The following ASB13 variants were observed in gnomAD, a reference collection of about 807,000 sequenced individuals.
ASB13 encodes ankyrin repeat and SOCS box containing 13.
In ASB13, 33 loss-of-function variants were observed where a neutral mutation model predicts 28.8. The observed-to-expected ratio is 1.15, with a 90% CI of 0.87 to 1.53. The LOEUF is 1.53. Among genes scored for constraint, ASB13 ranks in the 40% most tolerant of loss-of-function variants. ASB13 has a pLI of 0.00. For missense variants in ASB13, 414 were observed against 390.1 expected, an observed-to-expected ratio of 1.06 and a Z score of -0.52; for synonymous variants, 182 against 172.9, an observed-to-expected ratio of 1.05 and a Z score of -0.41.
Position 5,651,068 on chromosome 10 carries a change from G to A in ASB13, c.382+145C>T. The A allele has an allele frequency of 1.8e-6, 2 of 1,089,358 alleles. No homozygotes were observed. Among genetic ancestry groups the A allele is most frequent in the Non-Finnish European group, 2.6e-6 (2 of 774,868 alleles). 67.5% of individuals were successfully genotyped at this position (1,089,358 alleles called of 1,614,324 possible). On this transcript the variant is annotated intron_variant, in intron 3 of 5. Transcript: ENST00000357700. This position sits in a 1 kb window ranked among gnomAD's most constrained non-coding sequence, Gnocchi z 5.1. ...AATCTCTGCAGCTGAGCCACCAGGA[G>A]CCAGAAACAGACTCAGAACTCTCCT...
rs1730826248 is a variant in ASB13 at position 5,650,754 on chromosome 10, G to A, written c.382+459C>T. ...GCATCTGCAGTCTGCCTATTCTTGGGGGGCAGATGAGGTCCCACCTGCTCC... is the reference window on the plus strand; with the variant it reads ...GCATCTGCAGTCTGCCTATTCTTGGAGGGCAGATGAGGTCCCACCTGCTCC... On this transcript the variant is annotated intron_variant, in intron 3 of 5. Coordinates refer to ENST00000357700, the MANE Select transcript of ASB13 (RefSeq NM_024701.4). The surrounding 1 kb of genome is among the most constrained non-coding windows in gnomAD (Gnocchi z 6.0). Among the ~76,000 whole-genome samples the A allele has an allele frequency of 1.3e-5, 2 of 152,214 alleles. No homozygotes were observed. Among genetic ancestry groups the A allele is most frequent in the South Asian group, 4.1e-4 (2 of 4,828 alleles).
rs1195804943 is a variant in ASB13 at position 5,644,297 on chromosome 10, C to A, written c.518-2336G>T. The stretch of plus-strand genomic sequence containing the variant: ...TCTCTTGGGCCCAGGAAATCGAGAC[C>A]AGCCTGCGCAACATAGTGAGACCCT... On this transcript the variant is annotated intron_variant, in intron 4 of 5. Transcript: ENST00000357700. The surrounding 1 kb of genome is among the most constrained non-coding windows in gnomAD (Gnocchi z 5.1). Among the ~76,000 whole-genome samples, 1 of 152,136 alleles carries A rather than the reference C, an allele frequency of 6.6e-6. No homozygotes were observed. Among genetic ancestry groups the A allele is most frequent in the Non-Finnish European group, 1.5e-5 (1 of 68,022 alleles).
At position 5,664,350 on chromosome 10, in the gene ASB13, G is replaced by C. The variant is rs1235860331; in HGVS notation, c.43+2159C>G. Among the ~76,000 whole-genome samples the C allele has an allele frequency of 6.6e-6, 1 of 151,968 alleles. No individual in the cohort carries two copies. Among genetic ancestry groups the C allele is most frequent in the African/African-American group, 2.4e-5 (1 of 41,332 alleles). On this transcript the variant is annotated intron_variant, in intron 1 of 5. Coordinates refer to ENST00000357700, the MANE Select transcript of ASB13 (RefSeq NM_024701.4). The surrounding 1 kb of genome is among the most constrained non-coding windows in gnomAD (Gnocchi z 4.2). The stretch of plus-strand genomic sequence containing the variant: ...ACACAGGACTCATTGCTTACCTGAG[G>C]GGCCTAAGAAGACTGTCTGGGGATA...
rs971748932 is a variant in ASB13 at position 5,656,500 on chromosome 10, T to C, written c.44-3450A>G. Among the ~76,000 whole-genome samples, 2 of 151,478 alleles carry C rather than the reference T, an allele frequency of 1.3e-5. No individual in the cohort carries two copies. Among genetic ancestry groups the C allele is most frequent in the Non-Finnish European group, 2.9e-5 (2 of 67,954 alleles). ...ATTGCAGTGAGCTGAGATCGCACCA[T>C]TGCATTCCAGCCTGGGCAACCGAGC... On this transcript the variant is annotated intron_variant, in intron 1 of 5. Transcript: ENST00000357700. This position sits in a 1 kb window ranked among gnomAD's most constrained non-coding sequence, Gnocchi z 4.3.
In ASB13 at chr10:5,655,872, C is replaced by T. The variant is rs1003335239; in HGVS notation, c.44-2822G>A. 2.6e-5 allele frequency among the ~76,000 whole-genome samples: 4 copies of T among 152,198 alleles called. No homozygotes were observed. The highest frequency in any genetic ancestry group is 1.3e-4 in the Admixed American group (2 of 15,286). On this transcript the variant is annotated intron_variant, in intron 1 of 5. Coordinates refer to ENST00000357700, the MANE Select transcript of ASB13 (RefSeq NM_024701.4). This position sits in a 1 kb window ranked among gnomAD's most constrained non-coding sequence, Gnocchi z 6.2. ...CAGGAGGCCACCTGAGCCGGGAAGG[C>T]GCGTTCCCGACGTGCCTCCATTCAC...
intron 4 of ASB13, among the ~76,000 whole-genome samples, chr10:5,646,603 G>C (rs4749985): frequency 6.6e-6 from 1 of 151,770 alleles, no homozygotes; most frequent in African/African-American, 2.4e-5. Flanking sequence ...CGGTCCAGCC[G>C]CCCCTAATCC....
rs751801490 is a variant in ASB13 at position 5,649,122 on chromosome 10, AG to A, written c.383-19del. 1.2e-6 allele frequency: 2 copies of A among 1,613,726 alleles called. No individual in the cohort carries two copies. Among genetic ancestry groups the A allele is most frequent in the East Asian group, 2.2e-5 (1 of 44,890 alleles). ...GGAACTCCCTTAAGATAAATGGAAA[AG>A]GGGGGGAATGTCCTTGAATACGGAC... On this transcript the variant is annotated intron_variant, in intron 3 of 5. Coordinates refer to ENST00000357700, the MANE Select transcript of ASB13 (RefSeq NM_024701.4). The surrounding 1 kb of genome is among the most constrained non-coding windows in gnomAD (Gnocchi z 6.4).
At chr10:5,665,683 C>T (rs550503081) in intron 1 of ASB13, among the ~76,000 whole-genome samples, 2 of 152,120 alleles carry the variant, frequency 1.3e-5, no homozygotes, top group Non-Finnish European at 2.9e-5. Context: ...TTTGCAAAGT[C>T]AATTAAAATA....
rs1376479816 is a variant in ASB13, at chr10:5,640,065, C to T, written c.*638G>A. 6.5e-6 allele frequency: 1 copy of T among 152,716 alleles called. No homozygotes were observed. Among genetic ancestry groups the T allele is most frequent in the Non-Finnish European group, 1.5e-5 (1 of 68,102 alleles). 9.5% of individuals were successfully genotyped at this position (152,716 alleles called of 1,614,324 possible). A position where few individuals can be genotyped will look rare whatever the true frequency, so the allele number is the denominator to read the frequency against. ...GTGGGGAATACAAAGCCAGGGCCTT[C>T]CCCCACAAAGACCCATAGAAAGTCC... On this transcript the variant is annotated 3_prime_UTR_variant, in exon 6 of 6. Coordinates refer to ENST00000357700, the MANE Select transcript of ASB13 (RefSeq NM_024701.4).
In ASB13 at chr10:5,650,069, T is replaced by C. The variant is rs1259961523; in HGVS notation, c.383-965A>G. ...GTCTCCCACTCTAGAGCCCTCTCCCTTTCCTGGGGTCCTTGCTCCTGACTC... is the reference window on the plus strand; with the variant it reads ...GTCTCCCACTCTAGAGCCCTCTCCCCTTCCTGGGGTCCTTGCTCCTGACTC... On this transcript the variant is annotated intron_variant, in intron 3 of 5. Coordinates refer to ENST00000357700, the MANE Select transcript of ASB13 (RefSeq NM_024701.4). This position sits in a 1 kb window ranked among gnomAD's most constrained non-coding sequence, Gnocchi z 6.0. 6.6e-6 allele frequency among the ~76,000 whole-genome samples: 1 copy of C among 152,144 alleles called. No homozygotes were observed. Among genetic ancestry groups the C allele is most frequent in the Non-Finnish European group, 1.5e-5 (1 of 68,010 alleles).
rs1834907197 is a variant in ASB13 at position 5,647,722 on chromosome 10, A to G, written c.517+1248T>C. 3.9e-5 allele frequency among the ~76,000 whole-genome samples: 6 copies of G among 152,330 alleles called. No individual in the cohort carries two copies. In the South Asian group the frequency reaches 1.2e-3, roughly 32 times the overall value. On this transcript the variant is annotated intron_variant, in intron 4 of 5. Transcript: ENST00000357700. ...CTCAGTTCTCCCAGCAACCTGCAGC[A>G]TAGATTCTTCCAGTGTTACAGATAT...
In ASB13 at chr10:5,660,870, T is replaced by C. The variant is rs1835148193; in HGVS notation, c.43+5639A>G. 6.6e-6 allele frequency among the ~76,000 whole-genome samples: 1 copy of C among 152,056 alleles called. No individual in the cohort carries two copies. Among genetic ancestry groups the C allele is most frequent in the Non-Finnish European group, 1.5e-5 (1 of 68,004 alleles). ...GCCCTCTGAGACCAGAGCCCCTCCA[T>C]CGCTCCCTGCCTTGCAAGCCACCCA... On this transcript the variant is annotated intron_variant, in intron 1 of 5. Transcript: ENST00000357700. This position sits in a 1 kb window ranked among gnomAD's most constrained non-coding sequence, Gnocchi z 6.1.
rs1356379186 is a variant in ASB13, at chr10:5,641,812, ACGTGTAGTCAGACGGCTTCTTCC to A, written c.644_666del (p.Gly215ValfsTer51). The A allele has an allele frequency of 3.7e-6, 6 of 1,611,384 alleles. No individual in the cohort carries two copies. Among genetic ancestry groups the A allele is most frequent in the Middle Eastern group, 1.7e-4 (1 of 6,012 alleles). On this transcript the variant is annotated frameshift_variant, in exon 5 of 6. Coordinates refer to ENST00000357700, the MANE Select transcript of ASB13 (RefSeq NM_024701.4). LOFTEE classifies it high-confidence loss of function. This position sits in a 1 kb window ranked among gnomAD's most constrained non-coding sequence, Gnocchi z 8.4. The stretch of plus-strand genomic sequence containing the variant: ...CACTTGGCGGGAGCGCTGCTGCTCC[ACGTGTAGTCAGACGGCTTCTTCC>A]CGCGGTTGTCCCGGGCGTAGATGTT...
intron 4 of ASB13, among the ~76,000 whole-genome samples, chr10:5,643,846 A>C (rs974005134): frequency 6.6e-6 from 1 of 152,238 alleles, no homozygotes; most frequent in Non-Finnish European, 1.5e-5. Flanking sequence ...AAACAGAGAA[A>C]GAGGCCCAAG....
chr10:5,649,145 G>C lies in ASB13; in HGVS notation c.383-41C>G. On this transcript the variant is annotated intron_variant, in intron 3 of 5. Coordinates refer to ENST00000357700, the MANE Select transcript of ASB13 (RefSeq NM_024701.4). This position sits in a 1 kb window ranked among gnomAD's most constrained non-coding sequence, Gnocchi z 6.4. The stretch of plus-strand genomic sequence containing the variant: ...AAAGGGGGGGAATGTCCTTGAATAC[G>C]GACACTGGAGACAACAAGCACACAG... 1 of 1,611,536 alleles carries C rather than the reference G, an allele frequency of 6.2e-7. No homozygotes were observed. Among genetic ancestry groups the C allele is most frequent in the South Asian group, 1.1e-5 (1 of 91,056 alleles).
rs11256947 is a variant in ASB13, at chr10:5,649,333, C to T, written c.383-229G>A. ...GGAGGGCTCAAGGCAGTGGGAGAAA[C>T]GGGCCTGGCCGGCTTCTTGCTGTGA... On this transcript the variant is annotated intron_variant, in intron 3 of 5. Coordinates refer to ENST00000357700, the MANE Select transcript of ASB13 (RefSeq NM_024701.4). The surrounding 1 kb of genome is among the most constrained non-coding windows in gnomAD (Gnocchi z 6.4). Among the ~76,000 whole-genome samples, 28,133 of 152,038 alleles carry T rather than the reference C, an allele frequency of 0.19. 2,858 individuals carry two copies. The highest frequency in any genetic ancestry group is 0.29 in the Middle Eastern group (84 of 294).
At position 5,656,872 on chromosome 10, in the gene ASB13, T is replaced by C. The variant is rs1463772407; in HGVS notation, c.44-3822A>G. 6.6e-6 allele frequency among the ~76,000 whole-genome samples: 1 copy of C among 152,134 alleles called. No homozygotes were observed. The highest frequency in any genetic ancestry group is 1.5e-5 in the Non-Finnish European group (1 of 68,020). ...AACAGCCTCTTTTTCCCACTGCCCT[T>C]AACATAATTAAGAACCCGAAACCTG... On this transcript the variant is annotated intron_variant, in intron 1 of 5. Transcript: ENST00000357700. The surrounding 1 kb of genome is among the most constrained non-coding windows in gnomAD (Gnocchi z 4.3).
intron 4 of ASB13, among the ~76,000 whole-genome samples, chr10:5,646,369 T>G (rs556829293): frequency 1.1e-3 from 161 of 152,312 alleles, no homozygotes; most frequent in Non-Finnish European, 1.4e-3. Flanking sequence ...TGGCAAAGTT[T>G]GGGCAAAGGG....
rs1742977606 is a variant in ASB13, at chr10:5,661,525, C to G, written c.43+4984G>C. 6.6e-6 allele frequency among the ~76,000 whole-genome samples: 1 copy of G among 152,136 alleles called. No homozygotes were observed. Among genetic ancestry groups the G allele is most frequent in the South Asian group, 2.1e-4 (1 of 4,826 alleles). Reference sequence around the variant, plus strand: ...TATTTATTTATTTTTGAAACAGGGTCTCGCTGTCACCCAAGCTGAAGTGCA... The same window carrying G: ...TATTTATTTATTTTTGAAACAGGGTGTCGCTGTCACCCAAGCTGAAGTGCA... On this transcript the variant is annotated intron_variant, in intron 1 of 5. Transcript: ENST00000357700. This position sits in a 1 kb window ranked among gnomAD's most constrained non-coding sequence, Gnocchi z 4.9.
Sources: gnomAD v4.1 joint callset for allele counts (sites outside exome capture counted in the v4.1 genomes callset) on GRCh38, gnomAD v4.1.1 for gene constraint, Gnocchi (gnomAD v3.1) non-coding constraint, MANE v1.5 for transcripts, NCBI Gene and HGNC (gene_info 2026-07-23, HGNC 2026-07-21) for gene names.